Variants in DPP6 observed in about 807,000 individuals in gnomAD.
DPP6 encodes the protein dipeptidyl peptidase like 6, also known as A-type potassium channel modulatory protein DPP6.
Under a neutral mutation model 122.6 loss-of-function variants are expected in DPP6, and 69 were observed. The observed-to-expected ratio is 0.56, with a 90% confidence interval of 0.46 to 0.69. DPP6 has a LOEUF of 0.69. Ranked by LOEUF, DPP6 falls within the 30% of genes least tolerant of loss-of-function variation. The pLI is 0.00. For missense variants in DPP6, 928 were observed against 1,116.9 expected, an observed-to-expected ratio of 0.83 and a Z score of 2.41; for synonymous variants, 418 against 433.1, an observed-to-expected ratio of 0.97 and a Z score of 0.43.
chr7:153,769,776 C>T, the DPP6 span, among the ~76,000 whole-genome samples: 1 of 152,106 alleles, frequency 6.6e-6, no homozygotes, highest in Non-Finnish European at 1.5e-5. Flanking sequence ...TGCAGGACAA[C>T]CAAGTAATCC....
intron 1 of DPP6, among the ~76,000 whole-genome samples, chr7:153,967,449 C>G (rs1795805687): frequency 6.6e-6 from 1 of 152,166 alleles, no homozygotes; most frequent in Non-Finnish European, 1.5e-5. Flanking sequence ...CAGCAGCTTG[C>G]AGTGCAGTAG....
At chr7:154,400,920 T>C (rs1370633645) in intron 1 of DPP6, among the ~76,000 whole-genome samples, 2 of 152,166 alleles carry the variant, frequency 1.3e-5, no homozygotes, top group Non-Finnish European at 2.9e-5. Context: ...AATGTATTAC[T>C]GGCTGGGCGC....
intron 1 of DPP6, among the ~76,000 whole-genome samples, chr7:154,348,466 A>T (rs1054467216): frequency 1.3e-5 from 2 of 152,200 alleles, no homozygotes; most frequent in African/African-American, 2.4e-5. Context: ...CTCGCCCAAC[A>T]TCCTCTGTGA....
intron 7 of DPP6, among the ~76,000 whole-genome samples, chr7:154,684,373 G>A (rs143840046): frequency 2.8e-4 from 43 of 152,272 alleles, no homozygotes; most frequent in East Asian, 2.3e-3. Context: ...CGTGTTCACT[G>A]CTGTGTCCTC....
In DPP6 at chr7:154,875,924, C is replaced by T. The variant is rs1247017660; in HGVS notation, c.1902C>T (p.Ser634=). The change falls in exon 20 of 26, where the codon AGC becomes AGT. Residue 634 remains serine, a synonymous_variant. Coordinates refer to ENST00000377770, the MANE Select transcript of DPP6 (RefSeq NM_130797.4). The surrounding 1 kb of genome is among the most constrained non-coding windows in gnomAD (Gnocchi z 4.5). The part of the protein sequence containing the change: ...LLLVVDGTPG[S]QSVAEKFEVS... ...TTTCCAGGGATGGCACCCCAGGCAG[C>T]CAGAGTGTGGCTGAGAAGTTCGAGG... 6.2e-7 allele frequency: 1 copy of T among 1,611,864 alleles called. No individual in the cohort carries two copies. The highest frequency in any genetic ancestry group is 2.2e-5 in the East Asian group (1 of 44,802).
At chr7:154,116,705 AT>A (rs1480361748) in intron 1 of DPP6, among the ~76,000 whole-genome samples, 35 of 152,076 alleles carry the variant, frequency 2.3e-4, no homozygotes, top group African/African-American at 8.5e-4. Flanking sequence ...TCTTTCTTGA[AT>A]TTTTCTTTGC....
chr7:154,015,945 A>G (rs1413913621), intron 1 of DPP6, among the ~76,000 whole-genome samples: 4 of 152,112 alleles, frequency 2.6e-5, no homozygotes, highest in South Asian at 2.1e-4. Context: ...CTGACCTCTA[A>G]TGGTGTGCAC....
chr7:154,218,827 C>G (rs537229768), intron 1 of DPP6, among the ~76,000 whole-genome samples: 91 of 152,266 alleles, frequency 6.0e-4, no homozygotes, highest in Admixed American at 1.6e-3. Context: ...AAAATGCAAA[C>G]ATATGTACTT....
chr7:154,260,676 T>TAA (rs982400047), intron 1 of DPP6, among the ~76,000 whole-genome samples: 5 of 147,742 alleles, frequency 3.4e-5, no homozygotes, highest in Non-Finnish European at 5.9e-5. Flanking sequence ...TATATATATA[T>TAA]AATACATATA....
rs550190664 is a variant in DPP6, at chr7:154,060,897, A to G, written c.243+7834A>G. Among the ~76,000 whole-genome samples, 74 of 143,052 alleles carry G rather than the reference A, an allele frequency of 5.2e-4. 5 individuals are homozygous for G. Among genetic ancestry groups the G allele is most frequent in the African/African-American group, 1.8e-3 (73 of 39,544 alleles). 93.8% of individuals were successfully genotyped at this position (143,052 alleles called of 152,430 possible). A position where few individuals can be genotyped will look rare whatever the true frequency, so the allele number is the denominator to read the frequency against. The stretch of plus-strand genomic sequence containing the variant: ...ACAGAGTGGGGAGGCACCCCCCACG[A>G]GGCGGGGACTGAGAGCCAGACCCTC... On this transcript the variant is annotated intron_variant, in intron 1 of 25. Transcript: ENST00000377770.
Position 154,463,719 on chromosome 7 carries a change from G to A in DPP6, c.359-11220G>A, listed in dbSNP as rs547441556. On this transcript the variant is annotated intron_variant, in intron 2 of 25. Coordinates refer to ENST00000377770, the MANE Select transcript of DPP6 (RefSeq NM_130797.4). ...GCCAGATTGGGTTTTTCCATTCAAG[G>A]CAGGCACAGGGTATGTTTAGAAATG... Among the ~76,000 whole-genome samples, 3 of 151,926 alleles carry A rather than the reference G, an allele frequency of 2.0e-5. No individual in the cohort carries two copies. The South Asian group carries it at 6.3e-4, about 32-fold the overall frequency.
intron 1 of DPP6, among the ~76,000 whole-genome samples, chr7:153,924,897 A>G (rs1201087712): frequency 1.3e-5 from 2 of 152,144 alleles, no homozygotes; most frequent in African/African-American, 4.8e-5. Context: ...GTTTGGAGGC[A>G]TGGTTTCTGT....
intron 8 of DPP6, among the ~76,000 whole-genome samples, chr7:154,733,562 C>G (rs1842438483): frequency 6.6e-6 from 1 of 152,130 alleles, no homozygotes; most frequent in South Asian, 2.1e-4. Flanking sequence ...CAGGTGGGCC[C>G]CAGGCAGATA....
At chr7:154,598,904 A>G (rs932362237) in intron 5 of DPP6, among the ~76,000 whole-genome samples, 1 of 152,032 alleles carries the variant, frequency 6.6e-6, no homozygotes, top group Non-Finnish European at 1.5e-5. Context: ...TGAAACCACC[A>G]CCTTTAATGC....
At chr7:154,525,529 C>T (rs982162348) in intron 3 of DPP6, among the ~76,000 whole-genome samples, 4 of 152,106 alleles carry the variant, frequency 2.6e-5, no homozygotes, top group East Asian at 3.9e-4. Flanking sequence ...ATAACATTAA[C>T]GGAATTGTTT....
intron 4 of DPP6, among the ~76,000 whole-genome samples, chr7:154,546,795 G>T: frequency 6.6e-6 from 1 of 152,158 alleles, no homozygotes; most frequent in East Asian, 1.9e-4. Flanking sequence ...AGGCCTGTTT[G>T]TACTACCAGA....
At chr7:154,534,976 T>G (rs1350680469) in intron 3 of DPP6, among the ~76,000 whole-genome samples, 2 of 142,718 alleles carry the variant, frequency 1.4e-5, no homozygotes, top group African/African-American at 3.1e-5. Context: ...ACTCTAAAGT[T>G]ACAGTAATCA....
intron 3 of DPP6, among the ~76,000 whole-genome samples, chr7:154,531,110 G>A (rs1421497891): frequency 6.6e-6 from 1 of 152,106 alleles, no homozygotes; most frequent in Non-Finnish European, 1.5e-5. Flanking sequence ...CTAGGTGATA[G>A]GTTGATCTGT....
chr7:153,900,490 T>C (rs1391745758), intron 1 of DPP6, among the ~76,000 whole-genome samples: 1 of 152,028 alleles, frequency 6.6e-6, no homozygotes, highest in Non-Finnish European at 1.5e-5. Flanking sequence ...TGGCAGAAGG[T>C]GGAGGGGAGC....
Sources: gnomAD v4.1 joint callset for allele counts (sites outside exome capture counted in the v4.1 genomes callset) on GRCh38, gnomAD v4.1.1 for gene constraint, Gnocchi (gnomAD v3.1) non-coding constraint, MANE v1.5 for transcripts, NCBI Gene and HGNC (gene_info 2026-07-23, HGNC 2026-07-21) for gene names.